Variants in NUMB observed in about 807,000 individuals in gnomAD.
NUMB encodes the protein NUMB endocytic adaptor protein.
In NUMB, 29 loss-of-function variants were observed where a neutral mutation model predicts 59.7. The ratio of observed to expected loss-of-function variants is 0.49; its 90% CI spans 0.36 to 0.66. NUMB has a LOEUF of 0.66. Ranked by LOEUF, NUMB falls within the 30% of genes least tolerant of loss-of-function variation. The probability of loss-of-function intolerance (pLI) is 0.00; values close to 1 mark genes in which losing one functional copy is unlikely to be tolerated. For missense variants in NUMB, 723 were observed against 822.0 expected, an observed-to-expected ratio of 0.88 and a Z score of 1.47; for synonymous variants, 288 against 288.2, an observed-to-expected ratio of 1.00 and a Z score of 0.01.
At chr14:73,354,290 C>T (rs1440019706) in intron 4 of NUMB, among the ~76,000 whole-genome samples, 1 of 152,018 alleles carries the variant, frequency 6.6e-6, no homozygotes, top group African/African-American at 2.4e-5. Flanking sequence ...AGGCAGATCA[C>T]TTGAGGTCAG....
At chr14:73,346,140 G>T (rs758216986) in intron 4 of NUMB, among the ~76,000 whole-genome samples, 1 of 151,876 alleles carries the variant, frequency 6.6e-6, no homozygotes, top group South Asian at 2.1e-4. Flanking sequence ...GTTTCCTATG[G>T]GTAATATTTC....
At chr14:73,343,280 C>G (rs1406544614) in intron 4 of NUMB, among the ~76,000 whole-genome samples, 1 of 151,802 alleles carries the variant, frequency 6.6e-6, no homozygotes, top group African/African-American at 2.4e-5. Flanking sequence ...GGAGGAGAGA[C>G]AGATTGGAAG....
chr14:73,449,026 T>C (rs1000794021), intron 1 of NUMB, among the ~76,000 whole-genome samples: 3 of 152,192 alleles, frequency 2.0e-5, no homozygotes, highest in African/African-American at 7.2e-5. Flanking sequence ...AATGAACATG[T>C]ACCTACTTTT....
intron 9 of NUMB, chr14:73,286,895 T>G (rs1010172837): frequency 1.8e-6 from 1 of 560,782 alleles, no homozygotes; most frequent in African/African-American, 1.9e-5. Context: ...CTCTGATTCC[T>G]CAGATAGCTT....
intron 2 of NUMB, among the ~76,000 whole-genome samples, chr14:73,381,932 T>C (rs542927294): frequency 5.0e-4 from 76 of 152,364 alleles, no homozygotes; most frequent in Admixed American, 1.9e-3. Context: ...CTCCACTGCT[T>C]TGTTTCTGCT....
rs1195510785 is a variant in NUMB, at chr14:73,297,262, T to G, written c.258A>C (p.Ala86=). The G allele has an allele frequency of 1.2e-6, 2 of 1,610,078 alleles. No homozygotes were observed. Among genetic ancestry groups the G allele is most frequent in the African/African-American group, 2.7e-5 (2 of 74,832 alleles). The change falls in exon 7 of 13, where the codon GCA becomes GCC. Residue 86 remains alanine, a synonymous_variant. Transcript: ENST00000555238. The part of the protein sequence containing the change: ...FGKTGKKAVK[A]VLWVSADGLR... ...GTCCATCTGCTGAGACCCACAGAAC[T>G]GCTTTAACTGCTTTCTTTCCAGTCT...
In NUMB at chr14:73,431,805, T is replaced by C. The variant is rs999404348; in HGVS notation, c.-232-21737A>G. On this transcript the variant is annotated intron_variant, in intron 1 of 12. Coordinates refer to ENST00000555238, the MANE Select transcript of NUMB (RefSeq NM_001005743.2). ...TTCATGTGGAATTTATCATGACTTT[T>C]AAGGCAGTTTTAAACTACCTGTCTA... Among the ~76,000 whole-genome samples the C allele has an allele frequency of 7.9e-5, 12 of 152,130 alleles. No homozygotes were observed. The South Asian group carries it at 1.9e-3, about 24-fold the overall frequency.
intron 4 of NUMB, among the ~76,000 whole-genome samples, chr14:73,342,062 A>T (rs1006698254): frequency 1.3e-5 from 2 of 151,226 alleles, no homozygotes; most frequent in African/African-American, 4.9e-5. Context: ...CTTTAAATTT[A>T]AAAAAAAAAT....
At chr14:73,351,126 G>A (rs566863363) in intron 4 of NUMB, among the ~76,000 whole-genome samples, 41 of 152,252 alleles carry the variant, frequency 2.7e-4, no homozygotes, top group Middle Eastern at 3.4e-3. Context: ...TGATACATGC[G>A]TGTAAGGAAT....
rs1308376086 is a variant in NUMB at position 73,437,095 on chromosome 14, G to A, written c.-233+21398C>T. On this transcript the variant is annotated intron_variant, in intron 1 of 12. Coordinates refer to ENST00000555238, the MANE Select transcript of NUMB (RefSeq NM_001005743.2). Reference sequence around the variant, plus strand: ...CAGGGTCTTGCTGTTGCCCAGGCTGGAGTGCAGTGGCACGATCACAACTCA... The same window carrying A: ...CAGGGTCTTGCTGTTGCCCAGGCTGAAGTGCAGTGGCACGATCACAACTCA... 1.1e-3 allele frequency among the ~76,000 whole-genome samples: 149 copies of A among 136,148 alleles called. 1 individual carries two copies. The highest frequency in any genetic ancestry group is 3.8e-3 in the Admixed American group (49 of 12,870). The allele number at this position is 136,148 out of a possible 152,430, so 89.3% of individuals were successfully genotyped here. A position where few individuals can be genotyped will look rare whatever the true frequency, so the allele number is the denominator to read the frequency against.
intron 5 of NUMB, among the ~76,000 whole-genome samples, chr14:73,320,793 G>T (rs936505908): frequency 2.0e-5 from 3 of 150,612 alleles, no homozygotes; most frequent in South Asian, 2.1e-4. Flanking sequence ...TAATTCTGAT[G>T]AATATAAAAA....
intron 1 of NUMB, among the ~76,000 whole-genome samples, chr14:73,442,808 A>G (rs1033134551): frequency 1.3e-5 from 2 of 152,196 alleles, no homozygotes; most frequent in African/African-American, 2.4e-5. Flanking sequence ...AGTGATCAGT[A>G]TGTTCCTTAC....
intron 2 of NUMB, among the ~76,000 whole-genome samples, chr14:73,405,905 A>C (rs17182398): frequency 0.039 from 5,900 of 151,198 alleles, 153 homozygotes; most frequent in Non-Finnish European, 0.056. Flanking sequence ...CATAATAAAA[A>C]CTCTGATAAC....
Position 73,275,543 on chromosome 14 carries a change from A to G in NUMB, c.*1035T>C, listed in dbSNP as rs1888096280. 6.6e-6 allele frequency: 1 copy of G among 152,200 alleles called. No homozygotes were observed. Among genetic ancestry groups the G allele is most frequent in the Admixed American group, 6.5e-5 (1 of 15,278 alleles). 9.4% of individuals were successfully genotyped at this position (152,200 alleles called of 1,614,324 possible). On this transcript the variant is annotated 3_prime_UTR_variant, in exon 13 of 13. Coordinates refer to ENST00000555238, the MANE Select transcript of NUMB (RefSeq NM_001005743.2). ...GGTAACCTGTGTTCCCTTCTATGGT[A>G]TGATTATGTCATGTTACCTTAGTGT...
At chr14:73,324,614 GT>G (rs59716688) in intron 4 of NUMB, among the ~76,000 whole-genome samples, 36 of 147,432 alleles carry the variant, frequency 2.4e-4, no homozygotes, top group African/African-American at 5.2e-4. Flanking sequence ...AACTAACAAA[GT>G]TTTTTTTTTT....
intron 1 of NUMB, among the ~76,000 whole-genome samples, chr14:73,436,135 A>G (rs980354030): frequency 2.6e-5 from 4 of 152,208 alleles, no homozygotes; most frequent in African/African-American, 9.6e-5. Flanking sequence ...TGTAGAATTT[A>G]CTATACAATG....
At position 73,309,224 on chromosome 14, in the gene NUMB, A is replaced by G. The variant is rs377445578; in HGVS notation, c.234+7166T>C. 3.4e-4 allele frequency among the ~76,000 whole-genome samples: 52 copies of G among 152,270 alleles called. 2 individuals are homozygous for G. The South Asian group carries it at 0.01, about 30-fold the overall frequency. On this transcript the variant is annotated intron_variant, in intron 6 of 12. Transcript: ENST00000555238. ...GATGCACTTTTAAAGAATAGGATCC[A>G]ATACCCAAAAGAATATAAATCATTC...
intron 1 of NUMB, among the ~76,000 whole-genome samples, chr14:73,422,399 C>T (rs991924285): frequency 6.6e-6 from 1 of 152,064 alleles, no homozygotes; most frequent in Non-Finnish European, 1.5e-5. Context: ...CTCAATATGG[C>T]CTCCAAATTG....
At chr14:73,325,719 G>A (rs975784829) in intron 4 of NUMB, among the ~76,000 whole-genome samples, 6 of 152,168 alleles carry the variant, frequency 3.9e-5, no homozygotes, top group African/African-American at 1.2e-4. Flanking sequence ...TCTAGCTCTG[G>A]TTTGAGGACC....
Sources: gnomAD v4.1 joint callset for allele counts (sites outside exome capture counted in the v4.1 genomes callset) on GRCh38, gnomAD v4.1.1 for gene constraint, MANE v1.5 for transcripts, NCBI Gene and HGNC (gene_info 2026-07-23, HGNC 2026-07-21) for gene names.